DCLK2: variants seen among roughly 807,000 people sequenced by gnomAD.
The protein encoded by DCLK2 is serine/threonine-protein kinase DCLK2.
DCLK2 carries 31 observed loss-of-function variants against 78.4 expected under a neutral mutation model. The observed-to-expected ratio is 0.40, with a 90% CI of 0.30 to 0.53. The LOEUF is 0.53. Ranked by LOEUF, DCLK2 falls within the 20% of genes least tolerant of loss-of-function variation. DCLK2 has a pLI of 0.61. For synonymous variants in DCLK2, 407 were observed against 374.9 expected (o/e 1.09, Z -0.99); for missense variants, 872 against 973.7 (o/e 0.90, Z 1.39).
At chr4:150,145,683 G>A (rs1330206028) in intron 2 of DCLK2, among the ~76,000 whole-genome samples, 2 of 152,144 alleles carry the variant, frequency 1.3e-5, no homozygotes, top group South Asian at 2.1e-4. Context: ...CACATTTAAG[G>A]AGGTAGGTTG....
chr4:150,088,147 T>C (rs2150135288), intron 1 of DCLK2, among the ~76,000 whole-genome samples: 1 of 152,318 alleles, frequency 6.6e-6, no homozygotes, highest in Non-Finnish European at 1.5e-5. Context: ...CTTTACTTAA[T>C]AGTATTTTGC....
rs557899210 is a variant in DCLK2, at chr4:150,086,767, A to G, written c.421+7319A>G. ...GTGATCTGCCTGCTTCAGCCTCCCAAAGTGCTGGGATTACAGGCGTGAACC... is the reference window on the plus strand; with the variant it reads ...GTGATCTGCCTGCTTCAGCCTCCCAGAGTGCTGGGATTACAGGCGTGAACC... On this transcript the variant is annotated intron_variant, in intron 1 of 15. Coordinates refer to ENST00000296550, the MANE Select transcript of DCLK2 (RefSeq NM_001040260.4). 9.2e-5 allele frequency among the ~76,000 whole-genome samples: 14 copies of G among 152,092 alleles called. No individual in the cohort carries two copies. In the South Asian group the frequency reaches 2.3e-3, roughly 25 times the overall value.
At chr4:150,253,967 G>T in intron 15 of DCLK2, 1 of 946,502 alleles carries the variant, frequency 1.1e-6, no homozygotes, top group Non-Finnish European at 1.3e-6. Flanking sequence ...TTTGGGATAA[G>T]AGAAGATAAT....
At chr4:150,208,604 G>C (rs994857563) in intron 5 of DCLK2, among the ~76,000 whole-genome samples, 1 of 152,036 alleles carries the variant, frequency 6.6e-6, no homozygotes. Flanking sequence ...GGAATAGGGA[G>C]GGGGAGGTGT....
intron 2 of DCLK2, among the ~76,000 whole-genome samples, chr4:150,104,202 G>A (rs1431415368): frequency 2.0e-5 from 3 of 151,682 alleles, no homozygotes; most frequent in African/African-American, 7.3e-5. Flanking sequence ...CCAAATGAAT[G>A]ACATTCAGGG....
chr4:150,106,468 G>C (rs1449790574), intron 2 of DCLK2, among the ~76,000 whole-genome samples: 2 of 152,202 alleles, frequency 1.3e-5, no homozygotes, highest in African/African-American at 4.8e-5. Flanking sequence ...GAAGAGAAAG[G>C]AATGAGAAAG....
At chr4:150,195,709 G>A (rs144478841) in intron 3 of DCLK2, among the ~76,000 whole-genome samples, 1 of 150,956 alleles carries the variant, frequency 6.6e-6, no homozygotes, top group East Asian at 2.0e-4. Flanking sequence ...GTTGTACTTT[G>A]ATCTAAGCTA....
intron 2 of DCLK2, among the ~76,000 whole-genome samples, chr4:150,186,925 TG>T (rs1737998035): frequency 6.6e-6 from 1 of 150,690 alleles, no homozygotes; most frequent in African/African-American, 2.5e-5. Flanking sequence ...TGTGTGTGTG[TG>T]TGTAGTCTCA....
At chr4:150,173,659 T>C (rs1736720938) in intron 2 of DCLK2, among the ~76,000 whole-genome samples, 1 of 152,204 alleles carries the variant, frequency 6.6e-6, no homozygotes, top group Non-Finnish European at 1.5e-5. Flanking sequence ...ACCTATTTCC[T>C]TAGCAGTGAG....
At chr4:150,253,949 A>C in intron 15 of DCLK2, 10 of 967,076 alleles carry the variant, frequency 1.0e-5, no homozygotes, top group South Asian at 4.8e-5. Context: ...GTGTAATCTC[A>C]GCCAGCCTTT....
intron 1 of DCLK2, among the ~76,000 whole-genome samples, chr4:150,099,290 C>A (rs545022211): frequency 2.0e-4 from 30 of 152,270 alleles, no homozygotes; most frequent in African/African-American, 7.2e-4. Flanking sequence ...AACTCCTGGG[C>A]ACAAGGGATC....
chr4:150,156,741 T>A (rs543309447), intron 2 of DCLK2, among the ~76,000 whole-genome samples: 2 of 139,430 alleles, frequency 1.4e-5, no homozygotes, highest in East Asian at 4.3e-4. Context: ...GGAGTAACTA[T>A]TTTATTTATT....
intron 5 of DCLK2, among the ~76,000 whole-genome samples, chr4:150,213,070 A>G (rs7670739): frequency 0.019 from 2,908 of 152,280 alleles, 95 homozygotes; most frequent in African/African-American, 0.065. Flanking sequence ...GTTGGTCACA[A>G]TCCAGTAAGC....
chr4:150,249,517 C>G, intron 14 of DCLK2, 51 bp from the exon 15 acceptor site: 8 of 1,540,368 alleles, frequency 5.2e-6, no homozygotes, highest in Non-Finnish European at 6.3e-6. Context: ...AAAGACAACT[C>G]AAACGGGAGG....
chr4:150,175,456 T>C (rs1737008396), intron 2 of DCLK2: 2 of 151,872 alleles, frequency 1.3e-5, no homozygotes, highest in Admixed American at 1.3e-4. Context: ...CTTTCTCCTG[T>C]GGCTGGAGGG....
At chr4:150,190,299 G>GCAGA (rs141112179) in intron 2 of DCLK2, among the ~76,000 whole-genome samples, 3 of 134,052 alleles carry the variant, frequency 2.2e-5, no homozygotes, top group South Asian at 2.3e-4. Context: ...AGATAGATAG[G>GCAGA]CAGACAGACA....
intron 1 of DCLK2, among the ~76,000 whole-genome samples, chr4:150,085,388 C>T (rs115900187): frequency 0.041 from 6,295 of 152,146 alleles, 190 homozygotes; most frequent in Non-Finnish European, 0.066. Flanking sequence ...TGAGGGTCAT[C>T]CCATGGTGGA....
chr4:150,249,423 GT>G, intron 14 of DCLK2, 144 bp from the exon 15 acceptor site: 1 of 682,330 alleles, frequency 1.5e-6, no homozygotes, highest in South Asian at 1.6e-5. Flanking sequence ...AAAGATCATT[GT>G]TTCCCTAATT....
intron 2 of DCLK2, among the ~76,000 whole-genome samples, chr4:150,172,566 C>T (rs1195689002): frequency 6.8e-6 from 1 of 146,428 alleles, no homozygotes; most frequent in African/African-American, 2.6e-5. Context: ...GAGATTGCGC[C>T]ACTGCACTCC....
Sources: gnomAD v4.1 joint callset for allele counts (sites outside exome capture counted in the v4.1 genomes callset) on GRCh38, gnomAD v4.1.1 for gene constraint, MANE v1.5 for transcripts, NCBI Gene and HGNC (gene_info 2026-07-23, HGNC 2026-07-21) for gene names.